The following STARD13 variants were observed in gnomAD, a reference collection of about 807,000 sequenced individuals.
STARD13 encodes the protein StAR related lipid transfer domain containing 13.
In STARD13, 62 loss-of-function variants were observed where a neutral mutation model predicts 106.4. That is an observed-to-expected ratio of 0.58 (90% CI 0.48 to 0.72). The LOEUF (loss-of-function observed/expected upper bound fraction) is 0.72, where lower values mean the gene tolerates loss of function less well. Ranked by LOEUF, STARD13 falls within the 30% of genes least tolerant of loss-of-function variation. STARD13 has a pLI of 0.00. For missense variants in STARD13, 1,387 were observed against 1,424.0 expected (o/e 0.97, Z 0.42); for synonymous variants, 565 against 553.0 (o/e 1.02, Z -0.31).
chr13:33,272,396 G>T (rs1388739066), intron 1 of STARD13: 1 of 152,154 alleles, frequency 6.6e-6, no homozygotes, highest in East Asian at 1.9e-4. Flanking sequence ...TACTCAACCT[G>T]CATAAGTATA....
chr13:33,186,088 C>G (rs975405896), intron 1 of STARD13: 8 of 1,588,280 alleles, frequency 5.0e-6, no homozygotes, highest in Admixed American at 1.7e-5. Context: ...CGGTTGCTAA[C>G]AGTGGAGAGG....
the STARD13 span, among the ~76,000 whole-genome samples, chr13:33,475,970 GA>G: frequency 2.0e-5 from 3 of 151,308 alleles, no homozygotes; most frequent in East Asian, 1.9e-4. Context: ...ATAAAAAAAA[GA>G]AAAAAAAGAA....
chr13:33,160,034 AAAG>A lies in STARD13; in HGVS notation c.323+5300_323+5302del, dbSNP rs1268305010. On this transcript the variant is annotated intron_variant, in intron 3 of 13. Transcript: ENST00000336934. Reference sequence around the variant, plus strand: ...AGGCACTAGAATAGCCAAAGCAGACAAAGAAGAACAAAGTTAAAGAACTCAGAA... The same window carrying A: ...AGGCACTAGAATAGCCAAAGCAGACAAAGAACAAAGTTAAAGAACTCAGAA... Among the ~76,000 whole-genome samples the A allele has an allele frequency of 3.3e-5, 5 of 152,322 alleles. No homozygotes were observed. In the East Asian group the frequency reaches 9.6e-4, roughly 29 times the overall value.
chr13:33,522,483 T>C, the STARD13 span, among the ~76,000 whole-genome samples: 2 of 152,172 alleles, frequency 1.3e-5, no homozygotes, highest in Admixed American at 6.6e-5. Flanking sequence ...GTATTCACCA[T>C]TATAGTATCA....
chr13:33,278,194 T>G (rs143249145), intron 1 of STARD13, among the ~76,000 whole-genome samples: 1 of 152,192 alleles, frequency 6.6e-6, no homozygotes. Flanking sequence ...TAAACTACTT[T>G]GTGCAAGATT....
chr13:33,593,172 A>T, the STARD13 span, among the ~76,000 whole-genome samples: 1 of 151,888 alleles, frequency 6.6e-6, no homozygotes, highest in East Asian at 1.9e-4. Context: ...ACTTTTATTT[A>T]TTTATTTTTA....
intron 1 of STARD13, among the ~76,000 whole-genome samples, chr13:33,329,690 A>C (rs1244865497): frequency 2.0e-5 from 3 of 149,982 alleles, no homozygotes; most frequent in African/African-American, 7.5e-5. Context: ...TGATTGTATA[A>C]AATCACTTTC....
At chr13:33,209,407 A>G (rs1001557692) in intron 1 of STARD13, among the ~76,000 whole-genome samples, 2 of 152,110 alleles carry the variant, frequency 1.3e-5, no homozygotes, top group African/African-American at 4.8e-5. Flanking sequence ...TAAGAATTAT[A>G]CCAGATGGCA....
At chr13:33,489,697 T>G in the STARD13 span, among the ~76,000 whole-genome samples, 2 of 152,248 alleles carry the variant, frequency 1.3e-5, no homozygotes, top group South Asian at 4.1e-4. Context: ...TGGAATGTGC[T>G]AATTTTATTA....
the STARD13 span, among the ~76,000 whole-genome samples, chr13:33,557,551 G>T: frequency 2.6e-4 from 40 of 152,156 alleles, no homozygotes; most frequent in African/African-American, 9.4e-4. Context: ...ATTATTTGCC[G>T]TATTTCCTGC....
chr13:33,127,521 G>T lies in STARD13; in HGVS notation c.1774C>A (p.Leu592Met), dbSNP rs919135205. The T allele has an allele frequency of 6.4e-7, 1 of 1,559,752 alleles. No homozygotes were observed. Among genetic ancestry groups the T allele is most frequent in the Non-Finnish European group, 8.6e-7 (1 of 1,160,344 alleles). The change falls in exon 6 of 14, where the codon CTG becomes ATG. Residue 592 changes from leucine (L) to methionine (M), a missense_variant. Physicochemically the swap from Leu to Met is conservative, Grantham distance 15. Coordinates refer to ENST00000336934, the MANE Select transcript of STARD13 (RefSeq NM_178006.4). ...NRRLRWNSFQ[L>M]SHQPRPAPAS... ...GGGGCCGGCCGGGGCTGGTGCGACAGCTGGAAACTGTTCCATCGGAGTCGC... is the reference window on the plus strand; with the variant it reads ...GGGGCCGGCCGGGGCTGGTGCGACATCTGGAAACTGTTCCATCGGAGTCGC...
intron 3 of STARD13, chr13:33,164,399 A>G (rs935082188): frequency 2.6e-5 from 4 of 152,120 alleles, no homozygotes; most frequent in African/African-American, 9.7e-5. Flanking sequence ...CTACTACCTT[A>G]TTTATGTCAA....
At chr13:33,504,255 G>T in the STARD13 span, among the ~76,000 whole-genome samples, 1 of 152,064 alleles carries the variant, frequency 6.6e-6, no homozygotes, top group Non-Finnish European at 1.5e-5. Context: ...TCATTACCAG[G>T]TATATACCCA....
chr13:33,587,349 C>T, the STARD13 span, among the ~76,000 whole-genome samples: 19 of 152,250 alleles, frequency 1.2e-4, no homozygotes, highest in African/African-American at 4.3e-4. Context: ...AGGAGCCAGA[C>T]ATTAAGGAGC....
intron 1 of STARD13, chr13:33,205,783 C>T (rs1314713336): frequency 3.3e-6 from 3 of 913,620 alleles, no homozygotes; most frequent in Non-Finnish European, 3.9e-6. Context: ...TCTTTCCCAC[C>T]ACCACGACCT....
the STARD13 span, among the ~76,000 whole-genome samples, chr13:33,480,958 C>T: frequency 9.8e-4 from 149 of 152,204 alleles, no homozygotes; most frequent in Middle Eastern, 3.4e-3. Context: ...CTTCAAGAGG[C>T]TCTCATTGAC....
the STARD13 span, among the ~76,000 whole-genome samples, chr13:33,613,233 T>C: frequency 6.6e-6 from 1 of 152,340 alleles, no homozygotes; most frequent in African/African-American, 2.4e-5. Flanking sequence ...AGGGAGATGT[T>C]ATTACATATA....
chr13:33,114,847 T>A (rs1875134802), intron 8 of STARD13, among the ~76,000 whole-genome samples: 1 of 152,112 alleles, frequency 6.6e-6, no homozygotes. Flanking sequence ...TATTATTTAC[T>A]AAAAACGCTT....
the STARD13 span, among the ~76,000 whole-genome samples, chr13:33,645,429 G>T: frequency 1.8e-4 from 27 of 152,312 alleles, no homozygotes; most frequent in Non-Finnish European, 3.7e-4. Flanking sequence ...CGAATCACTT[G>T]CCCACAGAAT....
Sources: allele counts gnomAD v4.1 joint callset (sites outside exome capture counted in the v4.1 genomes callset), GRCh38; gene constraint gnomAD v4.1.1; transcripts MANE v1.5; gene names NCBI Gene and HGNC (gene_info 2026-07-23, HGNC 2026-07-21).